Variants in GPR176 observed in about 807,000 individuals in gnomAD.
GPR176 encodes the protein G protein-coupled receptor 176.
Under a neutral mutation model 35.4 loss-of-function variants are expected in GPR176, and 26 were observed. That is an observed-to-expected ratio of 0.74 (90% CI 0.54 to 1.02). GPR176 has a LOEUF of 1.02. Among genes scored for constraint, GPR176 ranks in the 50% least tolerant of loss-of-function variants. GPR176 has a pLI of 0.00. For missense variants in GPR176, 597 were observed against 665.3 expected, an observed-to-expected ratio of 0.90 and a Z score of 1.13; for synonymous variants, 278 against 271.3, an observed-to-expected ratio of 1.02 and a Z score of -0.24.
At chr15:39,879,565 C>T (rs2032392403) in intron 1 of GPR176, among the ~76,000 whole-genome samples, 1 of 152,162 alleles carries the variant, frequency 6.6e-6, no homozygotes, top group Non-Finnish European at 1.5e-5. Flanking sequence ...ACCTTACTCC[C>T]CTTTCCTCTC....
chr15:39,883,071 C>A (rs376107252), intron 1 of GPR176, among the ~76,000 whole-genome samples: 3 of 152,250 alleles, frequency 2.0e-5, no homozygotes, highest in African/African-American at 7.2e-5. Context: ...TGCTTAGAGA[C>A]TTGTAGACTT....
intron 1 of GPR176, among the ~76,000 whole-genome samples, chr15:39,869,469 C>G (rs2031965332): frequency 6.6e-6 from 1 of 152,120 alleles, no homozygotes; most frequent in African/African-American, 2.4e-5. Flanking sequence ...GTCTCAGCTC[C>G]CAGAGGTGCA....
chr15:39,889,051 T>C lies in GPR176; in HGVS notation c.172+30804A>G, dbSNP rs151100677. Among the ~76,000 whole-genome samples, 394 of 152,328 alleles carry C rather than the reference T, an allele frequency of 2.6e-3. 5 individuals are homozygous for C. The highest frequency in any genetic ancestry group is 0.022 in the East Asian group (115 of 5,188). ...AGCCTGGAGAGGGCATCAGAGAATC[T>C]ACACAACAAACTTTCTAACTAAGCT... On this transcript the variant is annotated intron_variant, in intron 1 of 2. Coordinates refer to ENST00000561100, the MANE Select transcript of GPR176 (RefSeq NM_007223.3).
At chr15:39,838,003 A>G (rs1595466572) in intron 1 of GPR176, among the ~76,000 whole-genome samples, 1 of 130,034 alleles carries the variant, frequency 7.7e-6, no homozygotes, top group African/African-American at 4.6e-5. Context: ...TAAAAAAAAA[A>G]AAAAAAAAAA....
intron 1 of GPR176, among the ~76,000 whole-genome samples, chr15:39,845,714 G>A (rs536842059): frequency 2.0e-5 from 3 of 152,122 alleles, no homozygotes; most frequent in Admixed American, 2.0e-4. Context: ...CTTAGTAAGC[G>A]GGAGAGAGCT....
chr15:39,857,241 C>T (rs1595484588), intron 1 of GPR176, among the ~76,000 whole-genome samples: 1 of 152,174 alleles, frequency 6.6e-6, no homozygotes, highest in Non-Finnish European at 1.5e-5. Context: ...TTTAGGTTGG[C>T]TTCCTGTTCT....
intron 1 of GPR176, among the ~76,000 whole-genome samples, chr15:39,834,862 T>C (rs975956854): frequency 2.6e-5 from 4 of 152,074 alleles, no homozygotes; most frequent in Admixed American, 1.3e-4. Context: ...TAGTAACTGA[T>C]AGACAATGGG....
At chr15:39,905,422 G>A (rs1368886122) in intron 1 of GPR176, among the ~76,000 whole-genome samples, 1 of 147,636 alleles carries the variant, frequency 6.8e-6, no homozygotes, top group African/African-American at 2.5e-5. Flanking sequence ...ACTAGCTTAG[G>A]CAATATAGTG....
chr15:39,885,587 T>A (rs1314238302), intron 1 of GPR176, among the ~76,000 whole-genome samples: 4 of 152,226 alleles, frequency 2.6e-5, no homozygotes, highest in African/African-American at 9.6e-5. Context: ...TTGCTTCATC[T>A]AGGTATGAAG....
chr15:39,849,806 T>C (rs991170675), intron 1 of GPR176, among the ~76,000 whole-genome samples: 1 of 152,174 alleles, frequency 6.6e-6, no homozygotes, highest in Admixed American at 6.6e-5. Context: ...CATCACTTAA[T>C]GACAGAGATT....
intron 1 of GPR176, among the ~76,000 whole-genome samples, chr15:39,850,034 T>C (rs1311196870): frequency 1.3e-5 from 2 of 152,008 alleles, no homozygotes; most frequent in Non-Finnish European, 2.9e-5. Flanking sequence ...ATGGTAAAAA[T>C]ATGGTATAAA....
At position 39,919,965 on chromosome 15, in the gene GPR176, G is replaced by C; in HGVS notation, c.62C>G (p.Ala21Gly). ...GCTGCGGTTCACACCCGCAGCCTCG[G>C]CGCCGGACGCGTTGTGCGGCTCGCT... Reference protein sequence around the residue: ...NASEPHNASGAEAAGVNRSAL... With the variant: ...NASEPHNASGGEAAGVNRSAL... The change falls in exon 1 of 3, where the codon GCC becomes GGC. Residue 21 changes from alanine to glycine, a missense_variant. Ala to Gly is a moderately conservative substitution (Grantham distance 60). Coordinates refer to ENST00000561100, the MANE Select transcript of GPR176 (RefSeq NM_007223.3). The C allele has an allele frequency of 1.3e-6, 2 of 1,481,912 alleles. No individual in the cohort carries two copies. Among genetic ancestry groups the C allele is most frequent in the Non-Finnish European group, 1.8e-6 (2 of 1,116,176 alleles). The allele number at this position is 1,481,912 out of a possible 1,614,324, so 91.8% of individuals were successfully genotyped here.
At chr15:39,919,197 A>G (rs2033805970) in intron 1 of GPR176, among the ~76,000 whole-genome samples, 2 of 150,948 alleles carry the variant, frequency 1.3e-5, no homozygotes, top group Admixed American at 6.9e-5. Flanking sequence ...GTATACCTAA[A>G]TCTGGGATGT....
chr15:39,820,163 G>A (rs1324750291), intron 1 of GPR176, among the ~76,000 whole-genome samples: 1 of 152,182 alleles, frequency 6.6e-6, no homozygotes, highest in Non-Finnish European at 1.5e-5. Context: ...GAGAAGGCCA[G>A]CAGGAGAGGA....
rs1036737454 is a variant in GPR176, at chr15:39,823,713, G to A, written c.173-16455C>T. On this transcript the variant is annotated intron_variant, in intron 1 of 2. Coordinates refer to ENST00000561100, the MANE Select transcript of GPR176 (RefSeq NM_007223.3). ...CATTGCCTTCCCATTGTTTGTAAAG[G>A]GAAAAACCAAAAGTCTAGCCTGCCC... Among the ~76,000 whole-genome samples, 18 of 152,250 alleles carry A rather than the reference G, an allele frequency of 1.2e-4. No homozygotes were observed. The East Asian group carries it at 3.5e-3, about 29-fold the overall frequency.
intron 1 of GPR176, among the ~76,000 whole-genome samples, chr15:39,844,899 G>T (rs2030309492): frequency 1.3e-5 from 2 of 152,188 alleles, no homozygotes; most frequent in South Asian, 4.2e-4. Flanking sequence ...AAGTTAGTAG[G>T]ATGTAGGACT....
At chr15:39,816,223 G>T (rs1357123504) in intron 1 of GPR176, among the ~76,000 whole-genome samples, 1 of 152,110 alleles carries the variant, frequency 6.6e-6, no homozygotes, top group Non-Finnish European at 1.5e-5. Flanking sequence ...ACAATATGGT[G>T]ACTACAGTAA....
chr15:39,898,694 A>G (rs1225601585), intron 1 of GPR176, among the ~76,000 whole-genome samples: 1 of 152,218 alleles, frequency 6.6e-6, no homozygotes. Flanking sequence ...ACAAGAAGCC[A>G]GAGGGAATGA....
At chr15:39,824,723 C>T (rs923203995) in intron 1 of GPR176, among the ~76,000 whole-genome samples, 1 of 152,226 alleles carries the variant, frequency 6.6e-6, no homozygotes, top group African/African-American at 2.4e-5. Flanking sequence ...CATATTTCCA[C>T]TAGCTCCATG....
Sources: gnomAD v4.1 joint callset for allele counts (sites outside exome capture counted in the v4.1 genomes callset) on GRCh38, gnomAD v4.1.1 for gene constraint, MANE v1.5 for transcripts, NCBI Gene and HGNC (gene_info 2026-07-23, HGNC 2026-07-21) for gene names.